Variants in CCNL2 observed in about 807,000 individuals in gnomAD.
The protein encoded by CCNL2 is cyclin L2.
CCNL2 carries 28 observed loss-of-function variants against 59.1 expected under a neutral mutation model. The ratio of observed to expected loss-of-function variants is 0.47; its 90% CI spans 0.35 to 0.65. CCNL2 has a LOEUF of 0.65. CCNL2 is among the 30% of genes least tolerant of loss of function. CCNL2 has a pLI of 0.00. For synonymous variants in CCNL2, 342 were observed against 288.6 expected (o/e 1.19, Z -1.88); for missense variants, 714 against 717.4 (o/e 1.00, Z 0.05).
intron 5 of CCNL2, chr1:1,392,160 G>T (rs1644796190): frequency 3.1e-6 from 1 of 323,964 alleles, no homozygotes; most frequent in Non-Finnish European, 4.5e-6. Context: ...GCGTGCCAGT[G>T]CACAGCTCTA....
At chr1:1,395,758 G>A (rs1644984397) in intron 3 of CCNL2, among the ~76,000 whole-genome samples, 1 of 152,160 alleles carries the variant, frequency 6.6e-6, no homozygotes, top group Non-Finnish European at 1.5e-5. Flanking sequence ...TGGTGCACAA[G>A]CATAGACCGA....
rs184116466 is a variant in CCNL2 at position 1,386,221 on chromosome 1, C to T, written c.*1010G>A. The T allele has an allele frequency of 5.9e-5, 9 of 152,422 alleles. No individual in the cohort carries two copies. Among genetic ancestry groups the T allele is most frequent in the African/African-American group, 1.9e-4 (8 of 41,592 alleles). 9.4% of individuals were successfully genotyped at this position (152,422 alleles called of 1,614,324 possible). ...TCATGGGTTACAAACCAGTCCCCCT[C>T]AGGAACGAGAGCACCTTGGAATCAT... is the stretch of plus-strand genomic sequence containing the variant. On this transcript the variant is annotated 3_prime_UTR_variant, in exon 11 of 11. Transcript: ENST00000400809.
intron 3 of CCNL2, among the ~76,000 whole-genome samples, chr1:1,396,440 A>G (rs1030529275): frequency 7.4e-5 from 11 of 149,066 alleles, no homozygotes; most frequent in African/African-American, 2.7e-4. Context: ...CTAATTTTAT[A>G]TTTGTAGTAG....
At chr1:1,387,716 T>C in intron 10 of CCNL2, 61 bp downstream of exon 10, 1 of 1,486,824 alleles carries the variant, frequency 6.7e-7, no homozygotes, top group Non-Finnish European at 9.2e-7. Flanking sequence ...GTGAGAATGA[T>C]TACCCCGAGG....
chr1:1,395,678 A>T (rs1644979528), intron 3 of CCNL2, 164 bp from the exon 4 acceptor site: 1 of 929,920 alleles, frequency 1.1e-6, no homozygotes, highest in African/African-American at 1.7e-5. Flanking sequence ...CGCTCCCCAC[A>T]GCCCAGTGCC....
intron 3 of CCNL2, among the ~76,000 whole-genome samples, chr1:1,396,040 G>A (rs938124541): frequency 1.5e-4 from 23 of 151,722 alleles, no homozygotes; most frequent in Non-Finnish European, 3.2e-4. Context: ...TTAGCCGGGC[G>A]TGGTGGCGGG....
chr1:1,399,327 T>C lies in CCNL2; in HGVS notation c.-21A>G, dbSNP rs1439098754. 1.4e-6 allele frequency: 2 copies of C among 1,431,898 alleles called. No homozygotes were observed. The highest frequency in any genetic ancestry group is 1.8e-6 in the Non-Finnish European group (2 of 1,102,506). 88.7% of individuals were successfully genotyped at this position (1,431,898 alleles called of 1,614,324 possible). Reference sequence around the variant, plus strand: ...GCCATTTTGTGCCGCCGACTCCCCTTCGGCTTCTTCCCTCAGGGCGGCTCC... The same window carrying C: ...GCCATTTTGTGCCGCCGACTCCCCTCCGGCTTCTTCCCTCAGGGCGGCTCC... On this transcript the variant is annotated 5_prime_UTR_variant, in exon 1 of 11. Transcript: ENST00000400809.
At chr1:1,396,723 G>A (rs1039099081) in intron 3 of CCNL2, among the ~76,000 whole-genome samples, 1 of 151,356 alleles carries the variant, frequency 6.6e-6, no homozygotes, top group African/African-American at 2.4e-5. Context: ...GGGATTACAG[G>A]CACCCGCAAC....
intron 6 of CCNL2, 82 bp downstream of exon 6, chr1:1,390,684 G>T: frequency 6.7e-7 from 1 of 1,492,640 alleles, no homozygotes; most frequent in Non-Finnish European, 9.3e-7. Context: ...AGAGTAATTT[G>T]AAGAATAACA....
rs541011184 is a variant in CCNL2 at position 1,392,322 on chromosome 1, A to G, written c.659+1074T>C. 6.0e-6 allele frequency: 6 copies of G among 992,088 alleles called. No individual in the cohort carries two copies. The Admixed American group carries it at 2.9e-4, about 48-fold the overall frequency. The allele number at this position is 992,088 out of a possible 1,614,324, so 61.5% of individuals were successfully genotyped here. ...CTTATTGCTGTATTTGAAGTGATAC[A>G]ATATTTTTCAAAGTATCCATGAAAT... is the stretch of plus-strand genomic sequence containing the variant. On this transcript the variant is annotated intron_variant, in intron 5 of 10. Transcript: ENST00000400809.
intron 3 of CCNL2, 126 bp downstream of exon 3, chr1:1,398,107 G>T: frequency 2.3e-6 from 2 of 862,346 alleles, no homozygotes; most frequent in South Asian, 1.7e-5. Flanking sequence ...TTGAGACTGC[G>T]CTCATGAATA....
intron 3 of CCNL2, among the ~76,000 whole-genome samples, chr1:1,396,571 GTTTTTTTTTTTTTTT>G: frequency 1.4e-5 from 1 of 69,676 alleles, no homozygotes; most frequent in South Asian, 4.8e-4. Context: ...CGGCAAGGCT[GTTTTTTTTTTTTTTT>G]TTTTTTTTTT....
chr1:1,388,452 C>T (rs745896816), intron 8 of CCNL2: 10 of 444,546 alleles, frequency 2.2e-5, no homozygotes, highest in African/African-American at 1.2e-4. Flanking sequence ...ACCCAGGAGG[C>T]GGAGGTTACA....
Position 1,390,154 on chromosome 1 carries a change from C to T in CCNL2, c.1006+76G>A, listed in dbSNP as rs1644685611. 1.6e-5 allele frequency: 22 copies of T among 1,399,284 alleles called. No homozygotes were observed. In the South Asian group the frequency reaches 2.8e-4, roughly 18 times the overall value. 86.7% of individuals were successfully genotyped at this position (1,399,284 alleles called of 1,614,324 possible). ...AAAAATGTCTGGAAGGAGCACATACCCCAGAATGGAGGCGGGGGAGAGTCA... is the reference window on the plus strand; with the variant it reads ...AAAAATGTCTGGAAGGAGCACATACTCCAGAATGGAGGCGGGGGAGAGTCA... On this transcript the variant is annotated intron_variant, in intron 8 of 10. Transcript: ENST00000400809.
intron 1 of CCNL2, 120 bp from the exon 2 acceptor site, chr1:1,398,791 C>T: frequency 8.0e-7 from 1 of 1,248,872 alleles, no homozygotes; most frequent in East Asian, 2.3e-5. Flanking sequence ...CTTCCCACGT[C>T]CACAAAGGCT....
intron 5 of CCNL2, 32 bp from the exon 6 acceptor site, chr1:1,390,897 C>G (rs1276031265): frequency 1.3e-6 from 2 of 1,570,352 alleles, no homozygotes; most frequent in African/African-American, 2.7e-5. Flanking sequence ...AACTGCAATG[C>G]CCCACCCGGG....
At chr1:1,392,753 G>A in intron 5 of CCNL2, 1 of 1,609,214 alleles carries the variant, frequency 6.2e-7, no homozygotes, top group South Asian at 1.1e-5. Context: ...CTGCACCAAA[G>A]CGCTTGGACA....
At position 1,398,583 on chromosome 1, in the gene CCNL2, G is replaced by C; in HGVS notation, c.363+14C>G. The C allele has an allele frequency of 1.2e-6, 2 of 1,612,266 alleles. No individual in the cohort carries two copies. Among genetic ancestry groups the C allele is most frequent in the Non-Finnish European group, 1.7e-6 (2 of 1,178,462 alleles). On this transcript the variant is annotated intron_variant, in intron 2 of 10. Coordinates refer to ENST00000400809, the MANE Select transcript of CCNL2 (RefSeq NM_030937.6). ...CATACTTCGCTGGGAATGAAGTGCA[G>C]GAGGAAGCCTTACCTCCATGGAGTG...
intron 8 of CCNL2, 92 bp downstream of exon 8, chr1:1,390,138 T>A: frequency 1.8e-6 from 2 of 1,126,012 alleles, no homozygotes; most frequent in Non-Finnish European, 2.5e-6. Flanking sequence ...AAAAAATGTC[T>A]GGAAGGAGCA....
Sources: gnomAD v4.1 joint callset for allele counts (sites outside exome capture counted in the v4.1 genomes callset) on GRCh38, gnomAD v4.1.1 for gene constraint, MANE v1.5 for transcripts, NCBI Gene and HGNC (gene_info 2026-07-23, HGNC 2026-07-21) for gene names.